Variants in ERC2 observed in about 807,000 individuals in gnomAD.
The protein encoded by ERC2 is ELKS/RAB6-interacting/CAST family member 2, also known as ERC protein 2.
A neutral mutation model predicts 114.8 loss-of-function variants in ERC2; 42 were observed. The observed-to-expected ratio is 0.37, with a 90% CI of 0.29 to 0.47. The LOEUF is 0.47. Ranked by LOEUF, ERC2 falls within the 20% of genes least tolerant of loss-of-function variation. ERC2 has a pLI of 0.99. For synonymous variants in ERC2, 454 were observed against 425.5 expected, an observed-to-expected ratio of 1.07 and a Z score of -0.82; for missense variants, 939 against 1,150.7, an observed-to-expected ratio of 0.82 and a Z score of 2.66.
intron 2 of ERC2, among the ~76,000 whole-genome samples, chr3:56,432,648 A>G (rs2061842749): frequency 6.6e-6 from 1 of 152,222 alleles, no homozygotes; most frequent in Non-Finnish European, 1.5e-5. Context: ...TATAGATCAC[A>G]AATGCTTCTA....
At chr3:56,135,863 C>A (rs1008714283) in intron 6 of ERC2, among the ~76,000 whole-genome samples, 1 of 152,174 alleles carries the variant, frequency 6.6e-6, no homozygotes, top group Non-Finnish European at 1.5e-5. Context: ...TCATTATTTT[C>A]TCTACTGCTG....
chr3:55,881,572 T>G (rs981394479), intron 14 of ERC2, among the ~76,000 whole-genome samples: 2 of 152,218 alleles, frequency 1.3e-5, no homozygotes, highest in African/African-American at 4.8e-5. Context: ...GTCTACCTAT[T>G]AAACTACTAT....
rs754511903 is a variant in ERC2, at chr3:56,007,328, G to A, written c.1921-7C>T. The A allele has an allele frequency of 1.3e-6, 2 of 1,592,534 alleles. No homozygotes were observed. Among genetic ancestry groups the A allele is most frequent in the Non-Finnish European group, 1.7e-6 (2 of 1,169,160 alleles). On this transcript the variant is annotated splice_polypyrimidine_tract_variant and splice_region_variant and intron_variant, in intron 9 of 17. Coordinates refer to ENST00000288221, the MANE Select transcript of ERC2 (RefSeq NM_015576.3). ...TGAGGTCAATTAAACTAGACTGAAA[G>A]AGAAAGAATGTGAGTGAGTAAAACA... is the stretch of plus-strand genomic sequence containing the variant.
chr3:56,216,814 C>T (rs1051342039), intron 3 of ERC2, among the ~76,000 whole-genome samples: 21 of 152,186 alleles, frequency 1.4e-4, no homozygotes, highest in Non-Finnish European at 1.5e-5. Context: ...GGCTTCATCC[C>T]TGGGATGCAA....
intron 13 of ERC2, among the ~76,000 whole-genome samples, chr3:55,943,865 G>T (rs2066965945): frequency 6.6e-6 from 1 of 152,124 alleles, no homozygotes; most frequent in Non-Finnish European, 1.5e-5. Flanking sequence ...ACAGAGGCAA[G>T]ACAGACTCTA....
intron 3 of ERC2, among the ~76,000 whole-genome samples, chr3:56,180,857 A>C (rs2083250806): frequency 6.6e-6 from 1 of 152,226 alleles, no homozygotes; most frequent in South Asian, 2.1e-4. Context: ...AAATTGTTGA[A>C]GACCCACAAC....
intron 2 of ERC2, among the ~76,000 whole-genome samples, chr3:56,316,031 T>G (rs2056846708): frequency 6.6e-6 from 1 of 152,088 alleles, no homozygotes; most frequent in East Asian, 1.9e-4. Context: ...TTACATAAAC[T>G]TCAACACACT....
intron 12 of ERC2, among the ~76,000 whole-genome samples, chr3:55,963,801 C>T (rs2068557071): frequency 6.6e-6 from 1 of 152,092 alleles, no homozygotes; most frequent in Admixed American, 6.5e-5. Flanking sequence ...AAATTGACCC[C>T]CTGGGGGCTA....
intron 9 of ERC2, among the ~76,000 whole-genome samples, chr3:56,008,084 T>C (rs948777370): frequency 2.0e-5 from 3 of 152,182 alleles, no homozygotes; most frequent in Non-Finnish European, 4.4e-5. Context: ...TGTCATCAAA[T>C]ATGAAATAGC....
rs1046245020 is a variant in ERC2 at position 55,574,175 on chromosome 3, G to A, written c.*40-62899C>T. On this transcript the variant is annotated intron_variant, in intron 17 of 17. Transcript: ENST00000288221. The stretch of plus-strand genomic sequence containing the variant: ...TTCTCATGTGACCAATGATGACACT[G>A]TGGTCCGTACAGGTGAAGTGACTTA... 2.0e-5 allele frequency among the ~76,000 whole-genome samples: 3 copies of A among 152,160 alleles called. No individual in the cohort carries two copies. In the East Asian group the frequency reaches 5.8e-4, roughly 29 times the overall value.
intron 6 of ERC2, among the ~76,000 whole-genome samples, chr3:56,137,327 A>G (rs2080567802): frequency 6.6e-6 from 1 of 152,196 alleles, no homozygotes; most frequent in Admixed American, 6.5e-5. Flanking sequence ...ATTATTGACA[A>G]AATATGGGTA....
intron 17 of ERC2, among the ~76,000 whole-genome samples, chr3:55,569,460 T>C (rs927070655): frequency 6.6e-6 from 1 of 152,022 alleles, no homozygotes; most frequent in African/African-American, 2.4e-5. Flanking sequence ...AGGAAAAAAA[T>C]TTAACGAGGG....
intron 14 of ERC2, among the ~76,000 whole-genome samples, chr3:55,778,442 AT>A (rs2068778293): frequency 6.6e-6 from 1 of 152,180 alleles, no homozygotes; most frequent in African/African-American, 2.4e-5. Context: ...TAATTATTTC[AT>A]TTCTCAATTT....
At chr3:55,764,148 C>G in intron 14 of ERC2, among the ~76,000 whole-genome samples, 1 of 152,196 alleles carries the variant, frequency 6.6e-6, no homozygotes, top group East Asian at 1.9e-4. Flanking sequence ...CACTGTTCAG[C>G]TACAAGAGTT....
chr3:55,924,289 T>C (rs1267254211), intron 13 of ERC2, among the ~76,000 whole-genome samples: 1 of 152,098 alleles, frequency 6.6e-6, no homozygotes, highest in East Asian at 1.9e-4. Context: ...TTGTGGTCCA[T>C]ATGGCCTGTG....
At chr3:56,191,567 C>T (rs1221722729) in intron 3 of ERC2, among the ~76,000 whole-genome samples, 1 of 152,136 alleles carries the variant, frequency 6.6e-6, no homozygotes, top group African/African-American at 2.4e-5. Flanking sequence ...AGTGACTTGC[C>T]TAAGTGCTCA....
chr3:55,584,334 G>A (rs1406565220), intron 17 of ERC2, among the ~76,000 whole-genome samples: 5 of 152,114 alleles, frequency 3.3e-5, no homozygotes, highest in Non-Finnish European at 5.9e-5. Flanking sequence ...AGGACTTAAA[G>A]TATTAACAGG....
intron 2 of ERC2, among the ~76,000 whole-genome samples, chr3:56,424,387 A>G (rs1303880989): frequency 6.6e-6 from 1 of 152,186 alleles, no homozygotes; most frequent in East Asian, 1.9e-4. Context: ...CCAGCACACA[A>G]GAATGTTTAT....
At chr3:56,208,908 A>G (rs2048894341) in intron 3 of ERC2, among the ~76,000 whole-genome samples, 1 of 151,920 alleles carries the variant, frequency 6.6e-6, no homozygotes, top group Non-Finnish European at 1.5e-5. Flanking sequence ...TCAGACACCA[A>G]CTCCCTTAGG....
Sources: allele counts gnomAD v4.1 joint callset (sites outside exome capture counted in the v4.1 genomes callset), GRCh38; gene constraint gnomAD v4.1.1; transcripts MANE v1.5; gene names NCBI Gene and HGNC (gene_info 2026-07-23, HGNC 2026-07-21).